The following PCDHGC4 variants were observed in gnomAD, a reference collection of about 807,000 sequenced individuals.
PCDHGC4 encodes the protein protocadherin gamma-C4.
Under a neutral mutation model 59.7 loss-of-function variants are expected in PCDHGC4, and 15 were observed. That is an observed-to-expected ratio of 0.25 (90% CI 0.17 to 0.39). The LOEUF is 0.39. Ranked by LOEUF, PCDHGC4 falls within the 10% of genes least tolerant of loss-of-function variation. The pLI is 1.00. For synonymous variants in PCDHGC4, 434 were observed against 481.4 expected, an observed-to-expected ratio of 0.90 and a Z score of 1.29; for missense variants, 1,016 against 1,189.5, an observed-to-expected ratio of 0.85 and a Z score of 2.15.
chr5:141,489,150 TAA>T lies in PCDHGC4; in HGVS notation c.2442+1536_2442+1537del. 1.2e-6 allele frequency: 1 copy of T among 862,654 alleles called. No homozygotes were observed. Among genetic ancestry groups the T allele is most frequent in the Non-Finnish European group, 1.7e-6 (1 of 575,074 alleles). The allele number at this position is 862,654 out of a possible 1,614,324, so 53.4% of individuals were successfully genotyped here. On this transcript the variant is annotated intron_variant, in intron 1 of 3. Coordinates refer to ENST00000306593, the MANE Select transcript of PCDHGC4 (RefSeq NM_018928.3). This position sits in a 1 kb window ranked among gnomAD's most constrained non-coding sequence, Gnocchi z 4.5. ...GTTTTTAAGAGGCTGGAAGGAGACA[TAA>T]GAGACTTCAGCTGCTGCATTCCAAG... is the stretch of plus-strand genomic sequence containing the variant.
chr5:141,499,721 G>GTC (rs1434016871), intron 2 of PCDHGC4, among the ~76,000 whole-genome samples: 69 of 135,416 alleles, frequency 5.1e-4, no homozygotes, highest in African/African-American at 1.9e-3. Flanking sequence ...TGGAGACAGA[G>GTC]TCTCACTCTC....
rs866878519 is a variant in PCDHGC4, at chr5:141,486,035, C to A, written c.862C>A (p.Arg288Ser). ...TFYFSGHTPD[R>S]VRNLFSLHPT... ...TTATTTCAGTGGTCATACCCCTGAT[C>A]GTGTAAGAAACCTCTTTAGCCTGCA... is the stretch of plus-strand genomic sequence containing the variant. The change falls in exon 1 of 4, where the codon CGT becomes AGT. Residue 288 changes from arginine (R) to serine (S), a missense_variant. Coordinates refer to ENST00000306593, the MANE Select transcript of PCDHGC4 (RefSeq NM_018928.3). This position sits in a 1 kb window ranked among gnomAD's most constrained non-coding sequence, Gnocchi z 5.0. The A allele has an allele frequency of 1.9e-6, 3 of 1,614,100 alleles. No homozygotes were observed. The East Asian group carries it at 6.7e-5, about 36-fold the overall frequency.
rs2099884413 is a variant in PCDHGC4, at chr5:141,512,781, G to A, written c.*1608G>A. ...CCTTGATCTGCCCGCGGCGGCCCGT[G>A]TTGTGTTTTGTGCTGTGTCCACGCG... is the stretch of plus-strand genomic sequence containing the variant. On this transcript the variant is annotated 3_prime_UTR_variant, in exon 4 of 4. Transcript: ENST00000306593. 1 of 152,534 alleles carries A rather than the reference G, an allele frequency of 6.6e-6. No individual in the cohort carries two copies. Among genetic ancestry groups the A allele is most frequent in the African/African-American group, 2.4e-5 (1 of 41,444 alleles). 9.4% of individuals were successfully genotyped at this position (152,534 alleles called of 1,614,324 possible). A position where few individuals can be genotyped will look rare whatever the true frequency, so the allele number is the denominator to read the frequency against.
intron 2 of PCDHGC4, among the ~76,000 whole-genome samples, chr5:141,495,223 G>T (rs924599140): frequency 6.6e-6 from 1 of 152,208 alleles, no homozygotes; most frequent in South Asian, 2.1e-4. Flanking sequence ...CCTGAGTTGA[G>T]CTGGGCTCCA....
At position 141,485,680 on chromosome 5, in the gene PCDHGC4, C is replaced by A. The variant is rs1450674419; in HGVS notation, c.507C>A (p.Ser169Arg). The A allele has an allele frequency of 6.2e-7, 1 of 1,613,966 alleles. No individual in the cohort carries two copies. The change falls in exon 1 of 4, where the codon AGC (serine) becomes AGA (arginine). Residue 169 changes from serine (S) to arginine (R), a missense_variant. Transcript: ENST00000306593. The surrounding 1 kb of genome is among the most constrained non-coding windows in gnomAD (Gnocchi z 5.7). ...DADVGSNSISSYRLSSNEHFA... is the reference protein window; with the variant it reads ...DADVGSNSISRYRLSSNEHFA... ...ATGTGGGGAGCAATTCGATTAGCAGCTATAGGCTGAGCTCCAATGAACACT... is the reference window on the plus strand; with the variant it reads ...ATGTGGGGAGCAATTCGATTAGCAGATATAGGCTGAGCTCCAATGAACACT...
Position 141,494,815 on chromosome 5 carries a change from G to C in PCDHGC4, c.2451G>C (p.Pro817=). 6.2e-7 allele frequency: 1 copy of C among 1,613,976 alleles called. No individual in the cohort carries two copies. The highest frequency in any genetic ancestry group is 8.5e-7 in the Non-Finnish European group (1 of 1,179,982). Residue 817 remains proline, a synonymous_variant, in exon 2 of 4, where the codon CCG becomes CCC. Transcript: ENST00000306593. Reference sequence around the variant, plus strand: ...CTCTGTTTTCTCCACAGCAAGCCCCGCCCAACACGGACTGGCGTTTCTCTC... The same window carrying C: ...CTCTGTTTTCTCCACAGCAAGCCCCCCCCAACACGGACTGGCGTTTCTCTC... ...SDLLYGLEQA[P]PNTDWRFSQA...
At chr5:141,488,239 G>A (rs576918071) in intron 1 of PCDHGC4, among the ~76,000 whole-genome samples, 3 of 152,222 alleles carry the variant, frequency 2.0e-5, no homozygotes, top group South Asian at 4.1e-4. Context: ...AACTAGATGC[G>A]GTAAATTGGA....
At chr5:141,492,933 A>G (rs935580560) in intron 1 of PCDHGC4, among the ~76,000 whole-genome samples, 3 of 152,194 alleles carry the variant, frequency 2.0e-5, no homozygotes, top group Admixed American at 6.5e-5. Flanking sequence ...CTAGGGTCAG[A>G]GATTTGGAGG....
chr5:141,485,338 T>C lies in PCDHGC4; in HGVS notation c.165T>C (p.Asp55=), dbSNP rs1259658641. ...VGNVAQDFLL[D]TDSLSARRLQ... is the part of the protein sequence containing the mutation. The stretch of plus-strand genomic sequence containing the variant: ...ATGTCGCTCAAGATTTCCTGCTGGA[T>C]ACGGACAGTCTGTCAGCTCGCAGGC... Residue 55 remains aspartate, a synonymous_variant, in exon 1 of 4, where the codon GAT becomes GAC. Coordinates refer to ENST00000306593, the MANE Select transcript of PCDHGC4 (RefSeq NM_018928.3). The surrounding 1 kb of genome is among the most constrained non-coding windows in gnomAD (Gnocchi z 5.7). 1 of 1,614,140 alleles carries C rather than the reference T, an allele frequency of 6.2e-7. No individual in the cohort carries two copies. Among genetic ancestry groups the C allele is most frequent in the Non-Finnish European group, 8.5e-7 (1 of 1,180,006 alleles).
At position 141,485,396 on chromosome 5, in the gene PCDHGC4, T is replaced by C. The variant is rs1466959644; in HGVS notation, c.223T>C (p.Phe75Leu). 2.5e-6 allele frequency: 4 copies of C among 1,614,042 alleles called. No homozygotes were observed. Among genetic ancestry groups the C allele is most frequent in the Non-Finnish European group, 3.4e-6 (4 of 1,179,960 alleles). Residue 75 changes from phenylalanine to leucine, a missense_variant, in exon 1 of 4, where the codon TTC becomes CTC. Coordinates refer to ENST00000306593, the MANE Select transcript of PCDHGC4 (RefSeq NM_018928.3). The surrounding 1 kb of genome is among the most constrained non-coding windows in gnomAD (Gnocchi z 5.7). ...QVAGEVNQRH[F>L]RVDLDSGALL... is the part of the protein sequence containing the mutation. ...CGCTGGAGAGGTGAACCAAAGACAC[T>C]TCCGTGTGGATTTGGACAGCGGAGC...
Position 141,489,606 on chromosome 5 carries a change from G to A in PCDHGC4, c.2442+1991G>A. The stretch of plus-strand genomic sequence containing the variant: ...TGGAGCTAATCCGTGTAGAGGTAGA[G>A]ATCCTGGATCTCAATGACAACTCTC... On this transcript the variant is annotated intron_variant, in intron 1 of 3. Coordinates refer to ENST00000306593, the MANE Select transcript of PCDHGC4 (RefSeq NM_018928.3). This position sits in a 1 kb window ranked among gnomAD's most constrained non-coding sequence, Gnocchi z 4.5. The A allele has an allele frequency of 6.2e-7, 1 of 1,614,110 alleles. No homozygotes were observed.
At chr5:141,508,383 T>C (rs1169318572) in intron 3 of PCDHGC4, 1 of 152,236 alleles carries the variant, frequency 6.6e-6, no homozygotes, top group Non-Finnish European at 1.5e-5. Flanking sequence ...CTCAGATTTA[T>C]AGATGGGAAA....
chr5:141,499,191 C>A (rs920773306), intron 2 of PCDHGC4, among the ~76,000 whole-genome samples: 1 of 152,116 alleles, frequency 6.6e-6, no homozygotes, highest in Non-Finnish European at 1.5e-5. Context: ...ACCATTTCCC[C>A]CTTCTTAGGC....
chr5:141,487,709 A>G lies in PCDHGC4; in HGVS notation c.2442+94A>G. On this transcript the variant is annotated intron_variant, in intron 1 of 3. Coordinates refer to ENST00000306593, the MANE Select transcript of PCDHGC4 (RefSeq NM_018928.3). This position sits in a 1 kb window ranked among gnomAD's most constrained non-coding sequence, Gnocchi z 5.0. ...CCTAGAGAGTACTGGCCTCTCAGTA[A>G]GTGCCCATAGTGATGTCACCATTTT... is the stretch of plus-strand genomic sequence containing the variant. 6.3e-7 allele frequency: 1 copy of G among 1,586,184 alleles called. No individual in the cohort carries two copies. Among genetic ancestry groups the G allele is most frequent in the South Asian group, 1.1e-5 (1 of 87,958 alleles).
At position 141,512,280 on chromosome 5, in the gene PCDHGC4, TGGAAGGGTCAGC is replaced by T. The variant is rs1187119941; in HGVS notation, c.*1111_*1122del. The T allele has an allele frequency of 1.3e-5, 2 of 152,682 alleles. No individual in the cohort carries two copies. Among genetic ancestry groups the T allele is most frequent in the African/African-American group, 2.4e-5 (1 of 41,396 alleles). 9.5% of individuals were successfully genotyped at this position (152,682 alleles called of 1,614,324 possible). ...CTGGGTACTCCAGAGGTGCCACTGGTGGAAGGGTCAGCGGAGCCCCAGCAGGAAGGGTGGGCC... is the reference window on the plus strand; with the variant it reads ...CTGGGTACTCCAGAGGTGCCACTGGTGGAGCCCCAGCAGGAAGGGTGGGCC... On this transcript the variant is annotated 3_prime_UTR_variant, in exon 4 of 4. Transcript: ENST00000306593.
In PCDHGC4 at chr5:141,505,471, G is replaced by A. The variant is rs766596231; in HGVS notation, c.2580G>A (p.Ala860=). The A allele has an allele frequency of 3.4e-5, 55 of 1,614,244 alleles. No individual in the cohort carries two copies. The highest frequency in any genetic ancestry group is 1.1e-4 in the East Asian group (5 of 44,880). ...AGATGCTGCAAGCCATGATCTTGGCGTCCGCCAGTGGTAAGTGGTGTCAGT... is the reference window on the plus strand; with the variant it reads ...AGATGCTGCAAGCCATGATCTTGGCATCCGCCAGTGGTAAGTGGTGTCAGT... ...DTEMLQAMIL[A]SASEAADGSS... Residue 860 remains alanine (A), a synonymous_variant, in exon 3 of 4, where the codon GCG becomes GCA. Coordinates refer to ENST00000306593, the MANE Select transcript of PCDHGC4 (RefSeq NM_018928.3).
intron 3 of PCDHGC4, chr5:141,507,418 A>T (rs2099860509): frequency 6.6e-6 from 1 of 152,204 alleles, no homozygotes; most frequent in Non-Finnish European, 1.5e-5. Context: ...CTGTGAGGTT[A>T]AGTGGGGCCA....
Position 141,511,390 on chromosome 5 carries a change from C to T in PCDHGC4, c.*217C>T, listed in dbSNP as rs2099883760. 1.8e-6 allele frequency: 2 copies of T among 1,101,460 alleles called. No individual in the cohort carries two copies. Among genetic ancestry groups the T allele is most frequent in the Admixed American group, 2.9e-5 (1 of 34,440 alleles). The allele number at this position is 1,101,460 out of a possible 1,614,324, so 68.2% of individuals were successfully genotyped here. A position where few individuals can be genotyped will look rare whatever the true frequency, so the allele number is the denominator to read the frequency against. On this transcript the variant is annotated 3_prime_UTR_variant, in exon 4 of 4. Transcript: ENST00000306593. ...ATGCAAAAGCAGTTCCGCTGGGAAC[C>T]CCCATCCAATCAACTGCTGTACCCA... is the stretch of plus-strand genomic sequence containing the variant.
rs1173375966 is a variant in PCDHGC4, at chr5:141,511,162, GAGA to G, written c.2812_2814del (p.Lys938del). 16 of 1,614,044 alleles carry G rather than the reference GAGA, an allele frequency of 9.9e-6. No individual in the cohort carries two copies. The highest frequency in any genetic ancestry group is 5.5e-5 in the South Asian group (5 of 91,078). On this transcript the variant is annotated inframe_deletion, in exon 4 of 4. Transcript: ENST00000306593. The stretch of plus-strand genomic sequence containing the variant: ...CAACAAGAAGAAGTCGGGCAAGAAG[GAGA>G]AGAAGTAACATGGAGGCCAGGCCAA...
Sources: gnomAD v4.1 joint callset for allele counts (sites outside exome capture counted in the v4.1 genomes callset) on GRCh38, gnomAD v4.1.1 for gene constraint, Gnocchi (gnomAD v3.1) non-coding constraint, MANE v1.5 for transcripts, NCBI Gene and HGNC (gene_info 2026-07-23, HGNC 2026-07-21) for gene names.